The following SYNGR4 variants were observed in gnomAD, a reference collection of about 807,000 sequenced individuals.
SYNGR4 encodes the protein synaptogyrin 4.
In SYNGR4, 15 loss-of-function variants were observed where a neutral mutation model predicts 15.5. That is an observed-to-expected ratio of 0.97 (90% CI 0.65 to 1.49). The LOEUF (loss-of-function observed/expected upper bound fraction) is 1.49, where lower values mean the gene tolerates loss of function less well. Ranked by LOEUF, SYNGR4 falls within the 40% of genes most tolerant of loss-of-function variation. The pLI, the probability that SYNGR4 is intolerant of heterozygous loss-of-function variation, is 0.00. For missense variants in SYNGR4, 292 were observed against 299.3 expected, an observed-to-expected ratio of 0.98 and a Z score of 0.18; for synonymous variants, 121 against 127.4, an observed-to-expected ratio of 0.95 and a Z score of 0.34.
chr19:48,370,623 G>GAT (rs1970289824), intron 2 of SYNGR4, among the ~76,000 whole-genome samples: 1 of 152,024 alleles, frequency 6.6e-6, no homozygotes, highest in East Asian at 1.9e-4. Context: ...GCAGTGGTGC[G>GAT]ATCACAGCTC....
intron 2 of SYNGR4, among the ~76,000 whole-genome samples, chr19:48,366,508 C>G (rs902509861): frequency 6.6e-6 from 1 of 152,014 alleles, no homozygotes; most frequent in Admixed American, 6.5e-5. Flanking sequence ...TGGGTTCAAG[C>G]GATTCTCCTG....
chr19:48,368,405 G>T (rs1181565467), intron 2 of SYNGR4, among the ~76,000 whole-genome samples: 1 of 151,480 alleles, frequency 6.6e-6, no homozygotes, highest in Non-Finnish European at 1.5e-5. Context: ...TTTTTTTTGA[G>T]ACAGACCCTT....
rs768785768 is a variant in SYNGR4, at chr19:48,373,671, TC to T, written c.250del (p.Leu84SerfsTer104). On this transcript the variant is annotated frameshift_variant, in exon 3 of 5. Coordinates refer to ENST00000344846, the MANE Select transcript of SYNGR4 (RefSeq NM_012451.4). LOFTEE classifies it high-confidence loss of function. ...GFLAFLSCLA[F>X]LVLDTQETRI... ...CTGGCCTTCCTCAGCTGCCTGGCCTTCCTCGTCCTGGACACACAGGAGACCC... is the reference window on the plus strand; with the variant it reads ...CTGGCCTTCCTCAGCTGCCTGGCCTTCTCGTCCTGGACACACAGGAGACCC... The T allele has an allele frequency of 1.2e-6, 2 of 1,613,918 alleles. No homozygotes were observed. Among genetic ancestry groups the T allele is most frequent in the East Asian group, 2.2e-5 (1 of 44,886 alleles).
chr19:48,369,125 C>T lies in SYNGR4; in HGVS notation c.93+3190C>T, dbSNP rs1171246896. Among the ~76,000 whole-genome samples the T allele has an allele frequency of 2.6e-5, 4 of 151,868 alleles. No individual in the cohort carries two copies. The East Asian group carries it at 7.7e-4, about 29-fold the overall frequency. On this transcript the variant is annotated intron_variant, in intron 2 of 4. Coordinates refer to ENST00000344846, the MANE Select transcript of SYNGR4 (RefSeq NM_012451.4). ...CGCCGCCTCCTTCCACCGTCCCTAC[C>T]CCCCCGCCCTCTCCTCCTTCCCCCC...
intron 1 of SYNGR4, among the ~76,000 whole-genome samples, chr19:48,365,411 A>AG (rs1709038987): frequency 3.3e-4 from 3 of 9,174 alleles, no homozygotes; most frequent in South Asian, 8.4e-3. Context: ...TAGCCCCCTC[A>AG]CCACACAACC....
chr19:48,375,495 T>G (rs1012038438), intron 3 of SYNGR4, 118 bp from the exon 4 acceptor site: 3 of 1,333,714 alleles, frequency 2.2e-6, no homozygotes, highest in Non-Finnish European at 3.1e-6. Context: ...AAAAGTATTT[T>G]TCAATACCTC....
In SYNGR4 at chr19:48,375,570, T is replaced by C. The variant is rs112504241; in HGVS notation, c.332-43T>C. ...CCATGCCTCAGCAGCCCTGCCTGAG[T>C]GAGCTTTCCCCCTGCCCCTTTTCTC... On this transcript the variant is annotated intron_variant, in intron 3 of 4. Transcript: ENST00000344846. The C allele has an allele frequency of 4.3e-4, 676 of 1,582,272 alleles. 3 individuals carry two copies. In the African/African-American group the frequency reaches 7.6e-3, roughly 18 times the overall value.
At chr19:48,369,015 G>A (rs780775672) in intron 2 of SYNGR4, among the ~76,000 whole-genome samples, 29 of 152,170 alleles carry the variant, frequency 1.9e-4, no homozygotes, top group Non-Finnish European at 3.7e-4. Flanking sequence ...GCAAGGAGAC[G>A]GAAGCCCAGC....
At chr19:48,372,984 C>T (rs1970333042) in intron 2 of SYNGR4, 1 of 161,912 alleles carries the variant, frequency 6.2e-6, no homozygotes, top group Admixed American at 5.7e-5. Context: ...CGACTGCAAA[C>T]ACTGATTCAG....
rs766937770 is a variant in SYNGR4, at chr19:48,373,693, G to T, written c.270G>T (p.Glu90Asp). The T allele has an allele frequency of 2.5e-6, 4 of 1,613,964 alleles. No homozygotes were observed. The highest frequency in any genetic ancestry group is 2.5e-6 in the Non-Finnish European group (3 of 1,180,018). The change falls in exon 3 of 5, where the codon GAG becomes GAT. Residue 90 changes from glutamate (E) to aspartate (D), a missense_variant. Glu to Asp is a conservative substitution (Grantham distance 45, BLOSUM62 2). Coordinates refer to ENST00000344846, the MANE Select transcript of SYNGR4 (RefSeq NM_012451.4). ...CLAFLVLDTQ[E>D]TRIAGTRFKT... ...CCTTCCTCGTCCTGGACACACAGGAGACCCGCATTGCCGGCACCCGCTTCA... is the reference window on the plus strand; with the variant it reads ...CCTTCCTCGTCCTGGACACACAGGATACCCGCATTGCCGGCACCCGCTTCA...
At chr19:48,367,471 A>T (rs1438333813) in intron 2 of SYNGR4, among the ~76,000 whole-genome samples, 1 of 152,034 alleles carries the variant, frequency 6.6e-6, no homozygotes, top group African/African-American at 2.4e-5. Context: ...GGACATTTTC[A>T]TCATGCCAGA....
chr19:48,368,835 A>C (rs958216798), intron 2 of SYNGR4, among the ~76,000 whole-genome samples: 6 of 151,798 alleles, frequency 4.0e-5, no homozygotes, highest in African/African-American at 7.3e-5. Flanking sequence ...TAGTTTCTCT[A>C]CTCCTCACCA....
intron 2 of SYNGR4, among the ~76,000 whole-genome samples, chr19:48,366,562 C>A (rs866402502): frequency 2.2e-4 from 33 of 152,042 alleles, no homozygotes; most frequent in African/African-American, 6.7e-4. Flanking sequence ...TGCGCCACTG[C>A]GCCTGGCTAA....
intron 2 of SYNGR4, among the ~76,000 whole-genome samples, chr19:48,367,957 C>T (rs551594275): frequency 5.9e-5 from 9 of 152,294 alleles, no homozygotes; most frequent in South Asian, 2.1e-4. Context: ...TGGAGTTCCC[C>T]GGCTCAGACC....
chr19:48,369,455 T>G (rs1186788196), intron 2 of SYNGR4, among the ~76,000 whole-genome samples: 1 of 152,118 alleles, frequency 6.6e-6, no homozygotes, highest in Non-Finnish European at 1.5e-5. Context: ...CTTTCACCAC[T>G]TACTGACCTT....
chr19:48,371,802 G>T (rs1326646646), intron 2 of SYNGR4, among the ~76,000 whole-genome samples: 1 of 151,862 alleles, frequency 6.6e-6, no homozygotes, highest in Non-Finnish European at 1.5e-5. Context: ...GCCCAGGCTG[G>T]TCTCCTGAGC....
intron 3 of SYNGR4, 89 bp downstream of exon 3, chr19:48,373,843 C>T (rs1378082295): frequency 3.4e-5 from 45 of 1,339,218 alleles, no homozygotes; most frequent in Non-Finnish European, 3.8e-5. Flanking sequence ...CACAACCCTT[C>T]ACCACCTAGC....
chr19:48,371,383 C>T (rs1380386519), intron 2 of SYNGR4, among the ~76,000 whole-genome samples: 1 of 149,508 alleles, frequency 6.7e-6, no homozygotes, highest in Admixed American at 6.7e-5. Flanking sequence ...CTTTGTCTGG[C>T]ACAGACCTGC....
At chr19:48,375,567 G>A in intron 3 of SYNGR4, 46 bp from the exon 4 acceptor site, 1 of 1,586,492 alleles carries the variant, frequency 6.3e-7, no homozygotes, top group Non-Finnish European at 8.6e-7. Flanking sequence ...AGCCCTGCCT[G>A]AGTGAGCTTT....
Sources: allele counts gnomAD v4.1 joint callset (sites outside exome capture counted in the v4.1 genomes callset), GRCh38; gene constraint gnomAD v4.1.1; transcripts MANE v1.5; gene names NCBI Gene and HGNC (gene_info 2026-07-23, HGNC 2026-07-21).